The following OR52N4 variants were observed in gnomAD, a reference collection of about 807,000 sequenced individuals.
OR52N4 encodes olfactory receptor family 52 subfamily N member 4.
In OR52N4, 15 loss-of-function variants were observed where a neutral mutation model predicts 15.0. That is an observed-to-expected ratio of 1.00 (90% confidence interval 0.67 to 1.54). OR52N4 has a LOEUF of 1.54. Among genes scored for constraint, OR52N4 ranks in the 40% most tolerant of loss-of-function variants. The pLI is 0.00. For missense variants in OR52N4, 421 were observed against 394.0 expected (o/e 1.07, Z -0.58); for synonymous variants, 143 against 143.7 (o/e 1.00, Z 0.03).
the OR52N4 span, among the ~76,000 whole-genome samples, chr11:5,729,443 A>C: frequency 6.6e-6 from 1 of 152,102 alleles, no homozygotes. Flanking sequence ...TAGATTTTTA[A>C]GATTTATATA....
the OR52N4 span, among the ~76,000 whole-genome samples, chr11:5,729,114 A>ATTTTTTTTTTTTTTTTTTTTTTTTTT: frequency 1.2e-5 from 1 of 82,916 alleles, no homozygotes; most frequent in Non-Finnish European, 2.2e-5. Flanking sequence ...TTAAATTGAG[A>ATTTTTTTTTTTTTTTTTTTTTTTTTT]TTTTTTTTTT....
chr11:5,753,225 G>T (rs12365568), upstream of OR52N4, among the ~76,000 whole-genome samples: 1 of 151,826 alleles, frequency 6.6e-6, no homozygotes, highest in East Asian at 1.9e-4. Flanking sequence ...TAATTTACAT[G>T]TCTACCAGCA....
the OR52N4 span, among the ~76,000 whole-genome samples, chr11:5,740,931 T>C: frequency 7.0e-5 from 9 of 127,826 alleles, 2 homozygotes; most frequent in Non-Finnish European, 1.6e-4. Context: ...GTGTGCACTC[T>C]GGTTGAGAAA....
At position 5,754,683 on chromosome 11, in the gene OR52N4, T is replaced by TTTAAC; in HGVS notation, c.-48-9_-48-8insTAACT. On this transcript the variant is annotated splice_polypyrimidine_tract_variant and intron_variant, in intron 1 of 1. Coordinates refer to ENST00000641350, the MANE Select transcript of OR52N4 (RefSeq NM_001005175.5). ...CCTATATTTTCTCTTGTTTTTTTTT[T>TTTAAC]TAACTCTAGGAAAGCCCAGACAAAT... 1 of 1,494,854 alleles carries TTTAAC rather than the reference T, an allele frequency of 6.7e-7. No homozygotes were observed. Among genetic ancestry groups the TTTAAC allele is most frequent in the Non-Finnish European group, 8.9e-7 (1 of 1,118,358 alleles). The allele number at this position is 1,494,854 out of a possible 1,614,324, so 92.6% of individuals were successfully genotyped here.
chr11:5,729,415 C>G, the OR52N4 span, among the ~76,000 whole-genome samples: 1 of 152,058 alleles, frequency 6.6e-6, no homozygotes, highest in Non-Finnish European at 1.5e-5. Context: ...CCACCGTGCC[C>G]GGCCGAGATA....
At chr11:5,730,616 T>C in the OR52N4 span, among the ~76,000 whole-genome samples, 1 of 151,952 alleles carries the variant, frequency 6.6e-6, no homozygotes, top group Non-Finnish European at 1.5e-5. Context: ...GTCTCTAATG[T>C]TTTTCATCCT....
the OR52N4 span, among the ~76,000 whole-genome samples, chr11:5,749,109 G>A: frequency 6.8e-6 from 1 of 146,944 alleles, no homozygotes; most frequent in Non-Finnish European, 1.5e-5. Context: ...GCTGATAGCT[G>A]TGGATACATA....
At chr11:5,747,435 T>C in the OR52N4 span, among the ~76,000 whole-genome samples, 11 of 152,068 alleles carry the variant, frequency 7.2e-5, no homozygotes, top group Admixed American at 1.3e-4. Flanking sequence ...AAGGGAGATT[T>C]CAAATGTCCT....
the OR52N4 span, among the ~76,000 whole-genome samples, chr11:5,729,040 A>AC: frequency 9.4e-6 from 1 of 106,690 alleles, no homozygotes; most frequent in Non-Finnish European, 1.9e-5. Flanking sequence ...CCCTCCCCTC[A>AC]CCCCCACCCC....
chr11:5,749,715 C>T (rs777935401), upstream of OR52N4, among the ~76,000 whole-genome samples: 2 of 151,962 alleles, frequency 1.3e-5, no homozygotes, highest in Admixed American at 6.6e-5. Flanking sequence ...AAGCAACCCT[C>T]ATATGAGAAG....
At chr11:5,734,804 C>T in the OR52N4 span, among the ~76,000 whole-genome samples, 1 of 152,084 alleles carries the variant, frequency 6.6e-6, no homozygotes, top group Non-Finnish European at 1.5e-5. Flanking sequence ...GAATTCTCCT[C>T]TAAAAGCTCA....
At chr11:5,737,392 C>G in the OR52N4 span, 1 of 1,614,048 alleles carries the variant, frequency 6.2e-7, no homozygotes, top group Non-Finnish European at 8.5e-7. Context: ...ACATCATCCC[C>G]CCTTCCCTCA....
chr11:5,728,226 C>G, the OR52N4 span, among the ~76,000 whole-genome samples: 1 of 151,968 alleles, frequency 6.6e-6, no homozygotes, highest in Admixed American at 6.6e-5. Flanking sequence ...AATGGGAGGA[C>G]CTTTCAGAAG....
In OR52N4 at chr11:5,754,962, T is replaced by C. The variant is rs376624755; in HGVS notation, c.222T>C (p.Val74=). The change falls in exon 2 of 2, where the codon GTT becomes GTC. Residue 74 remains valine, a synonymous_variant. Transcript: ENST00000641350. ...CCATGCTTTCCTTTACTGACCTTGT[T>C]ATGTGCTCTAGTACAATCCCTAAAG... is the stretch of plus-strand genomic sequence containing the variant. ...FLAMLSFTDL[V]MCSSTIPKAL... 2.7e-5 allele frequency: 44 copies of C among 1,613,734 alleles called. No individual in the cohort carries two copies. In the East Asian group the frequency reaches 4.0e-4, roughly 15 times the overall value.
chr11:5,729,114 A>ATATTCTTT, the OR52N4 span, among the ~76,000 whole-genome samples: 1,476 of 82,840 alleles, frequency 0.018, 103 homozygotes, highest in African/African-American at 0.06. Context: ...TTAAATTGAG[A>ATATTCTTT]TTTTTTTTTT....
At chr11:5,740,194 T>A in the OR52N4 span, among the ~76,000 whole-genome samples, 1 of 127,342 alleles carries the variant, frequency 7.9e-6, no homozygotes, top group African/African-American at 2.8e-5. Flanking sequence ...TTTAATCCCC[T>A]AGTACAAGGA....
In OR52N4 at chr11:5,755,883, A is replaced by G. The variant is rs1854307975; in HGVS notation, c.*177A>G. On this transcript the variant is annotated 3_prime_UTR_variant, in exon 2 of 2. Transcript: ENST00000641350. ...CAACATCATTGGAAGGCCCACCAAC[A>G]TTTCTATAAATTTTTTACCTTCTCA... 1 of 699,610 alleles carries G rather than the reference A, an allele frequency of 1.4e-6. No homozygotes were observed. Among genetic ancestry groups the G allele is most frequent in the East Asian group, 2.8e-5 (1 of 35,866 alleles). The allele number at this position is 699,610 out of a possible 1,614,324, so 43.3% of individuals were successfully genotyped here.
At chr11:5,732,398 T>C in the OR52N4 span, among the ~76,000 whole-genome samples, 1 of 152,166 alleles carries the variant, frequency 6.6e-6, no homozygotes, top group African/African-American at 2.4e-5. Context: ...AATATGACTT[T>C]TTCTTATGCA....
At chr11:5,748,829 A>C in the OR52N4 span, among the ~76,000 whole-genome samples, 1 of 152,038 alleles carries the variant, frequency 6.6e-6, no homozygotes, top group Non-Finnish European at 1.5e-5. Flanking sequence ...CTTTACTAAA[A>C]TAACTTGTGT....
Sources: allele counts gnomAD v4.1 joint callset (sites outside exome capture counted in the v4.1 genomes callset), GRCh38; gene constraint gnomAD v4.1.1; transcripts MANE v1.5; gene names NCBI Gene and HGNC (gene_info 2026-07-23, HGNC 2026-07-21).